The following WSB1 variants were observed in gnomAD, a reference collection of about 807,000 sequenced individuals.
WSB1 encodes the protein WD repeat and SOCS box-containing protein 1.
A neutral mutation model predicts 50.2 loss-of-function variants in WSB1; 23 were observed. That is an observed-to-expected ratio of 0.46 (90% CI 0.33 to 0.65). The LOEUF (loss-of-function observed/expected upper bound fraction) is 0.65. WSB1 is among the 30% of genes least tolerant of loss of function. The probability of loss-of-function intolerance (pLI) is 0.02; values close to 1 mark genes in which losing one functional copy is unlikely to be tolerated. For missense variants in WSB1, 492 were observed against 522.3 expected, an observed-to-expected ratio of 0.94 and a Z score of 0.56; for synonymous variants, 179 against 172.0, an observed-to-expected ratio of 1.04 and a Z score of -0.32.
intron 8 of WSB1, 28 bp from the exon 9 acceptor site, chr17:27,312,182 A>C (rs780907923): frequency 6.3e-7 from 1 of 1,590,908 alleles, no homozygotes; most frequent in South Asian, 1.1e-5. Flanking sequence ...TACTTGGGTG[A>C]CTAAGCATGT....
chr17:27,303,233 A>C, intron 2 of WSB1, 134 bp from the exon 3 acceptor site: 1 of 997,826 alleles, frequency 1.0e-6, no homozygotes, highest in Non-Finnish European at 1.4e-6. Flanking sequence ...CTTCCTATCT[A>C]TAGGATTCTA....
intron 1 of WSB1, among the ~76,000 whole-genome samples, chr17:27,300,565 T>C (rs187976936): frequency 2.3e-4 from 35 of 152,340 alleles, no homozygotes; most frequent in Non-Finnish European, 4.7e-4. Context: ...ATTTAAAATA[T>C]ATGACATTGT....
At chr17:27,294,680 C>G (rs2016873867) in intron 1 of WSB1, among the ~76,000 whole-genome samples, 1 of 152,150 alleles carries the variant, frequency 6.6e-6, no homozygotes, top group Admixed American at 6.5e-5. Context: ...GGCAAGGACC[C>G]CGGTTTCTTC....
intron 5 of WSB1, chr17:27,308,623 G>C: frequency 2.0e-6 from 2 of 985,960 alleles, no homozygotes; most frequent in Non-Finnish European, 2.4e-6. Flanking sequence ...GGTGACCCAA[G>C]CCTATTGTAA....
At chr17:27,299,067 A>G (rs2017112110) in intron 1 of WSB1, among the ~76,000 whole-genome samples, 1 of 152,216 alleles carries the variant, frequency 6.6e-6, no homozygotes, top group Non-Finnish European at 1.5e-5. Flanking sequence ...TTGCAAATTC[A>G]GAGGCCAGGC....
intron 4 of WSB1, among the ~76,000 whole-genome samples, 184 bp downstream of exon 4, chr17:27,305,095 A>G (rs1286970378): frequency 2.6e-5 from 4 of 152,240 alleles, no homozygotes; most frequent in Non-Finnish European, 5.9e-5. Flanking sequence ...GACCCAGAAT[A>G]GGAGCCAACA....
In WSB1 at chr17:27,294,333, C is replaced by A; in HGVS notation, c.-63C>A. On this transcript the variant is annotated 5_prime_UTR_variant, in exon 1 of 9. Coordinates refer to ENST00000262394, the MANE Select transcript of WSB1 (RefSeq NM_015626.10). ...ACTTGGCGTCACGCCCCTCAGCGGT[C>A]GCCACTCTCTTCTCTGTTGTTGGGT... The A allele has an allele frequency of 1.3e-6, 2 of 1,593,306 alleles. No homozygotes were observed. The highest frequency in any genetic ancestry group is 1.7e-5 in the Admixed American group (1 of 58,826).
chr17:27,310,250 T>TA, intron 7 of WSB1, 76 bp downstream of exon 7: 4 of 1,355,512 alleles, frequency 3.0e-6, no homozygotes, highest in Non-Finnish European at 3.1e-6. Context: ...TTTCTGCAGT[T>TA]AAGAGTTTTA....
intron 5 of WSB1, chr17:27,308,507 A>G (rs184027087): frequency 2.0e-6 from 2 of 985,770 alleles, no homozygotes; most frequent in East Asian, 1.1e-4. Context: ...TAGCATTTTC[A>G]TTTTGTAATG....
chr17:27,303,454 T>C lies in WSB1; in HGVS notation c.297T>C (p.Pro99=). ...QNSDGGQKNK[P]REHIIDCGDI... The stretch of plus-strand genomic sequence containing the variant: ...GTGATGGTGGTCAGAAAAATAAGCC[T>C]CGTGAACATATTATAGACTGTGGAG... Residue 99 remains proline, a synonymous_variant, in exon 3 of 9, where the codon CCT becomes CCC. Transcript: ENST00000262394. The C allele has an allele frequency of 6.2e-7, 1 of 1,614,122 alleles. No homozygotes were observed. The highest frequency in any genetic ancestry group is 8.5e-7 in the Non-Finnish European group (1 of 1,180,012).
chr17:27,311,469 C>G, intron 7 of WSB1, 40 bp from the exon 8 acceptor site: 1 of 1,536,078 alleles, frequency 6.5e-7, no homozygotes, highest in Non-Finnish European at 8.8e-7. Context: ...TTTTACCTTA[C>G]ATTTTCTACA....
chr17:27,302,962 T>C (rs1335995899), intron 2 of WSB1: 1 of 172,536 alleles, frequency 5.8e-6, no homozygotes, highest in Non-Finnish European at 1.2e-5. Flanking sequence ...TTTGAGGATT[T>C]TTTTCCCCCT....
intron 1 of WSB1, among the ~76,000 whole-genome samples, chr17:27,296,951 C>T (rs1320719470): frequency 6.6e-6 from 1 of 151,858 alleles, no homozygotes; most frequent in Non-Finnish European, 1.5e-5. Context: ...ATTAAAGTGC[C>T]AAAGGCAATT....
At chr17:27,299,093 G>A (rs977436102) in intron 1 of WSB1, among the ~76,000 whole-genome samples, 4 of 152,156 alleles carry the variant, frequency 2.6e-5, no homozygotes, top group African/African-American at 4.8e-5. Context: ...AAGAACCCTG[G>A]TAAAAGGAAC....
chr17:27,303,694 T>A, intron 3 of WSB1, 59 bp downstream of exon 3: 4 of 1,560,904 alleles, frequency 2.6e-6, no homozygotes, highest in Non-Finnish European at 3.5e-6. Flanking sequence ...GCACTGCTTA[T>A]AGGCACTGGA....
chr17:27,303,855 T>C (rs1232595293), intron 3 of WSB1: 3 of 511,714 alleles, frequency 5.9e-6, no homozygotes, highest in Non-Finnish European at 1.0e-5. Context: ...CTTTAGAGAG[T>C]ATTACAGTAG....
chr17:27,310,294 T>G, intron 7 of WSB1, 120 bp downstream of exon 7: 1 of 824,810 alleles, frequency 1.2e-6, no homozygotes, highest in Non-Finnish European at 1.9e-6. Flanking sequence ...CCTGGGAGAT[T>G]TTGTTGTGTC....
intron 2 of WSB1, 181 bp from the exon 3 acceptor site, chr17:27,303,186 A>G: frequency 1.6e-6 from 1 of 621,344 alleles, no homozygotes; most frequent in Non-Finnish European, 2.6e-6. Context: ...AATTTCTATT[A>G]ATGTCCTTCT....
At chr17:27,300,656 T>C (rs1313615965) in intron 1 of WSB1, among the ~76,000 whole-genome samples, 1 of 151,076 alleles carries the variant, frequency 6.6e-6, no homozygotes, top group Admixed American at 6.6e-5. Flanking sequence ...TAAGGACCAG[T>C]ATTTGAGAAT....
Sources: allele counts gnomAD v4.1 joint callset (sites outside exome capture counted in the v4.1 genomes callset), GRCh38; gene constraint gnomAD v4.1.1; transcripts MANE v1.5; gene names NCBI Gene and HGNC (gene_info 2026-07-23, HGNC 2026-07-21).